The following RHBDD1 variants were observed in gnomAD, a reference collection of about 807,000 sequenced individuals.
The protein encoded by RHBDD1 is rhomboid domain containing 1.
A neutral mutation model predicts 36.3 loss-of-function variants in RHBDD1; 38 were observed. The ratio of observed to expected loss-of-function variants is 1.05; its 90% CI spans 0.81 to 1.37. RHBDD1 has a LOEUF of 1.37. RHBDD1 is among the 40% of genes most tolerant of loss of function. RHBDD1 has a pLI of 0.00. For synonymous variants in RHBDD1, 151 were observed against 136.5 expected (o/e 1.11, Z -0.74); for missense variants, 393 against 377.6 (o/e 1.04, Z -0.34).
intron 8 of RHBDD1, chr2:226,988,428 A>T: frequency 1.3e-6 from 2 of 1,550,424 alleles, no homozygotes; most frequent in Non-Finnish European, 1.7e-6. Flanking sequence ...AGCCTGAAGC[A>T]GGCCGCAGTT....
chr2:226,818,450 G>A, the RHBDD1 span, among the ~76,000 whole-genome samples: 1 of 151,338 alleles, frequency 6.6e-6, no homozygotes, highest in Non-Finnish European at 1.5e-5. Flanking sequence ...ACAGGTGTGA[G>A]CCACTGCACC....
chr2:226,948,575 AAAAAAAAAAACGAAAAAAAT>A (rs1951180385), intron 8 of RHBDD1, among the ~76,000 whole-genome samples: 1 of 128,920 alleles, frequency 7.8e-6, no homozygotes, highest in Non-Finnish European at 1.6e-5. Context: ...AAAAAAAAAA[AAAAAAAAAAACGAAAAAAAT>A]AAAAATAAAA....
chr2:226,931,960 A>G (rs1950057031), intron 8 of RHBDD1, among the ~76,000 whole-genome samples: 1 of 152,084 alleles, frequency 6.6e-6, no homozygotes, highest in African/African-American at 2.4e-5. Context: ...ATCCATGAAT[A>G]TGGTATATTT....
the RHBDD1 span, among the ~76,000 whole-genome samples, chr2:226,814,617 G>A: frequency 6.6e-6 from 1 of 152,050 alleles, no homozygotes; most frequent in African/African-American, 2.4e-5. Context: ...TTGTGGTGGT[G>A]GAAATAAAGA....
chr2:226,928,457 G>T (rs1949810222), intron 8 of RHBDD1, among the ~76,000 whole-genome samples: 1 of 151,966 alleles, frequency 6.6e-6, no homozygotes, highest in Non-Finnish European at 1.5e-5. Context: ...CAAGATAAAT[G>T]ATAATAGTGA....
At chr2:226,906,308 G>C (rs1948048954) in intron 5 of RHBDD1, among the ~76,000 whole-genome samples, 1 of 152,168 alleles carries the variant, frequency 6.6e-6, no homozygotes, top group South Asian at 2.1e-4. Context: ...AGTTCCTTTT[G>C]CTGAGTTTCA....
chr2:226,932,763 C>T (rs1483639609), intron 8 of RHBDD1, among the ~76,000 whole-genome samples: 1 of 152,016 alleles, frequency 6.6e-6, no homozygotes, highest in African/African-American at 2.4e-5. Flanking sequence ...GTATGGCCTT[C>T]TCAGTGTTCT....
chr2:226,965,141 A>G (rs1575279261), intron 8 of RHBDD1, among the ~76,000 whole-genome samples: 1 of 152,316 alleles, frequency 6.6e-6, no homozygotes, highest in East Asian at 1.9e-4. Context: ...GGTTAGGGTC[A>G]GGTGTCCTGA....
chr2:226,809,004 C>T, the RHBDD1 span, among the ~76,000 whole-genome samples: 175 of 152,102 alleles, frequency 1.2e-3, no homozygotes, highest in Non-Finnish European at 2.3e-3. Flanking sequence ...ATTGATCCTC[C>T]GAGTGGAGAT....
At chr2:226,893,383 C>T (rs1487231111) in intron 5 of RHBDD1, among the ~76,000 whole-genome samples, 2 of 152,130 alleles carry the variant, frequency 1.3e-5, no homozygotes, top group Non-Finnish European at 2.9e-5. Flanking sequence ...TAGCAGATGG[C>T]AGAGCATTTT....
chr2:226,804,536 A>C, the RHBDD1 span: 1 of 152,210 alleles, frequency 6.6e-6, no homozygotes, highest in Admixed American at 6.5e-5. Flanking sequence ...GAAGAATATC[A>C]ATTACTGGCA....
At chr2:226,920,620 T>G (rs1949243324) in intron 8 of RHBDD1, among the ~76,000 whole-genome samples, 1 of 152,136 alleles carries the variant, frequency 6.6e-6, no homozygotes, top group South Asian at 2.1e-4. Flanking sequence ...TATCAAGTGC[T>G]TTTTCAGCAT....
intron 1 of RHBDD1, among the ~76,000 whole-genome samples, chr2:226,837,097 G>T (rs1179274407): frequency 6.6e-6 from 1 of 152,154 alleles, no homozygotes; most frequent in African/African-American, 2.4e-5. Context: ...AATTAATGGC[G>T]TAGTGATAAC....
intron 5 of RHBDD1, among the ~76,000 whole-genome samples, chr2:226,899,475 CAA>C (rs1200303360): frequency 6.6e-6 from 1 of 151,984 alleles, no homozygotes; most frequent in Admixed American, 6.6e-5. Context: ...GTCCACTGGA[CAA>C]AAAATAATGG....
chr2:226,831,679 T>C (rs916134746), upstream of RHBDD1, among the ~76,000 whole-genome samples: 1 of 152,074 alleles, frequency 6.6e-6, no homozygotes, highest in Non-Finnish European at 1.5e-5. Flanking sequence ...AAATTTCTGT[T>C]GTCTTAAGCC....
chr2:226,866,518 G>A (rs759736528), intron 4 of RHBDD1, among the ~76,000 whole-genome samples: 6 of 152,208 alleles, frequency 3.9e-5, no homozygotes, highest in Non-Finnish European at 8.8e-5. Flanking sequence ...AAGCGATGGA[G>A]CTGGGACTTG....
chr2:226,856,072 A>G (rs1011817996), intron 3 of RHBDD1, among the ~76,000 whole-genome samples: 9 of 152,190 alleles, frequency 5.9e-5, no homozygotes, highest in Non-Finnish European at 1.0e-4. Flanking sequence ...ATTCCACACT[A>G]TACCCCCAGG....
intron 7 of RHBDD1, among the ~76,000 whole-genome samples, chr2:226,910,858 C>T (rs1948469596): frequency 6.6e-6 from 1 of 152,080 alleles, no homozygotes; most frequent in Non-Finnish European, 1.5e-5. Context: ...ATAATAGATA[C>T]TGATGAGATT....
intron 4 of RHBDD1, among the ~76,000 whole-genome samples, chr2:226,866,614 A>G (rs993214502): frequency 1.3e-5 from 2 of 152,318 alleles, no homozygotes; most frequent in Admixed American, 1.3e-4. Context: ...TCATGGGACC[A>G]AAATTGCCAG....
Sources: allele counts gnomAD v4.1 joint callset (sites outside exome capture counted in the v4.1 genomes callset), GRCh38; gene constraint gnomAD v4.1.1; transcripts MANE v1.5; gene names NCBI Gene and HGNC (gene_info 2026-07-23, HGNC 2026-07-21).